TUSC3: variants seen among roughly 807,000 people sequenced by gnomAD.
TUSC3 encodes tumor suppressor candidate 3.
A neutral mutation model predicts 44.8 loss-of-function variants in TUSC3; 45 were observed. The observed-to-expected ratio is 1.00, with a 90% CI of 0.79 to 1.29. The LOEUF (loss-of-function observed/expected upper bound fraction) is 1.29. TUSC3 is among the 50% of genes most tolerant of loss of function. TUSC3 has a pLI of 0.00. For missense variants in TUSC3, 519 were observed against 437.9 expected (o/e 1.19, Z -1.65); for synonymous variants, 212 against 152.9 (o/e 1.39, Z -2.85).
intron 6 of TUSC3, among the ~76,000 whole-genome samples, chr8:15,674,697 G>T (rs778493704): frequency 3.3e-5 from 5 of 151,834 alleles, no homozygotes; most frequent in Admixed American, 2.0e-4. Context: ...GATTTCTGTA[G>T]TGGAAGACAA....
chr8:15,540,369 G>C lies in TUSC3; in HGVS notation c.-62G>C. ...CCCGGAGGCTGGCCGGGCAGGCGTG[G>C]TGCGCGGTAGGAGCTGGGCGCGCAC... On this transcript the variant is annotated 5_prime_UTR_variant, in exon 1 of 11. Transcript: ENST00000503731. The C allele has an allele frequency of 6.9e-7, 1 of 1,457,360 alleles. No individual in the cohort carries two copies. Among genetic ancestry groups the C allele is most frequent in the East Asian group, 2.9e-5 (1 of 34,496 alleles). The allele number at this position is 1,457,360 out of a possible 1,614,324, so 90.3% of individuals were successfully genotyped here.
At chr8:15,475,234 T>A (rs1041412265) in intron 1 of TUSC3, among the ~76,000 whole-genome samples, 5 of 152,086 alleles carry the variant, frequency 3.3e-5, no homozygotes, top group African/African-American at 1.2e-4. Flanking sequence ...TTTTTGATGA[T>A]CCTAGAGACA....
chr8:15,662,375 C>T, intron 5 of TUSC3, 79 bp downstream of exon 5: 2 of 1,566,936 alleles, frequency 1.3e-6, no homozygotes, highest in Non-Finnish European at 1.8e-6. Context: ...ACAAAATGAG[C>T]CAGATATAAC....
intron 2 of TUSC3, among the ~76,000 whole-genome samples, chr8:15,504,263 C>T (rs1357603380): frequency 6.6e-6 from 1 of 151,970 alleles, no homozygotes; most frequent in Non-Finnish European, 1.5e-5. Flanking sequence ...ATAAAGATCG[C>T]TGGAGATCCT....
chr8:15,783,091 A>C, the TUSC3 span, among the ~76,000 whole-genome samples: 1 of 152,206 alleles, frequency 6.6e-6, no homozygotes, highest in African/African-American at 2.4e-5. Context: ...GATTAAGAGA[A>C]CAATTCCACT....
chr8:15,773,558 C>A, the TUSC3 span, among the ~76,000 whole-genome samples: 4 of 152,088 alleles, frequency 2.6e-5, no homozygotes, highest in Non-Finnish European at 5.9e-5. Flanking sequence ...CTATTATAAT[C>A]CAGTGGCCTT....
At chr8:15,780,498 T>A in the TUSC3 span, among the ~76,000 whole-genome samples, 1 of 152,166 alleles carries the variant, frequency 6.6e-6, no homozygotes, top group South Asian at 2.1e-4. Context: ...TTGCAGGGGC[T>A]TCATTCCTGG....
intron 10 of TUSC3, among the ~76,000 whole-genome samples, chr8:15,761,025 T>A (rs547667125): frequency 6.6e-6 from 1 of 152,322 alleles, no homozygotes; most frequent in African/African-American, 2.4e-5. Flanking sequence ...GCCATGACTT[T>A]CAGTCATTTC....
chr8:15,784,880 A>AT, the TUSC3 span, among the ~76,000 whole-genome samples: 1 of 152,078 alleles, frequency 6.6e-6, no homozygotes. Context: ...TATTTTTAAA[A>AT]TTTGCTAAAA....
rs371089768 is a variant in TUSC3 at position 15,483,377 on chromosome 8, A to G, written n.92-9A>G. ...TTTTTTGAGACGGAGTTTCACTGTCATTGCCCAGGCTGGAGTACAATGGCA... is the reference window on the plus strand; with the variant it reads ...TTTTTTGAGACGGAGTTTCACTGTCGTTGCCCAGGCTGGAGTACAATGGCA... On this transcript the variant is annotated splice_polypyrimidine_tract_variant and intron_variant and non_coding_transcript_variant, in intron 1 of 5. Transcript: ENST00000503191. The G allele has an allele frequency of 4.3e-4, 91 of 212,444 alleles. 1 individual carries two copies. In the South Asian group the frequency reaches 6.9e-3, roughly 16 times the overall value. The allele number at this position is 212,444 out of a possible 1,614,324, so 13.2% of individuals were successfully genotyped here.
upstream of TUSC3, among the ~76,000 whole-genome samples, chr8:15,537,832 G>T (rs762062799): frequency 6.6e-6 from 1 of 152,138 alleles, no homozygotes; most frequent in African/African-American, 2.4e-5. Context: ...TGATTATGTT[G>T]AGTATATCTA....
chr8:15,555,832 T>A (rs1802240166), intron 1 of TUSC3, among the ~76,000 whole-genome samples: 2 of 151,466 alleles, frequency 1.3e-5, no homozygotes, highest in Non-Finnish European at 2.9e-5. Context: ...GTAAATTTCT[T>A]ACGGACTCTT....
intron 1 of TUSC3, among the ~76,000 whole-genome samples, chr8:15,607,229 AT>A: frequency 6.6e-6 from 1 of 152,146 alleles, no homozygotes; most frequent in South Asian, 2.1e-4. Context: ...CATTTTTTTC[AT>A]TACTTAATTA....
the TUSC3 span, among the ~76,000 whole-genome samples, chr8:15,827,154 C>A: frequency 6.6e-6 from 1 of 152,068 alleles, no homozygotes; most frequent in South Asian, 2.1e-4. Context: ...TAAGTACATC[C>A]CTCTCCATGA....
At chr8:15,587,151 C>G (rs554043505) in intron 1 of TUSC3, among the ~76,000 whole-genome samples, 92 of 152,224 alleles carry the variant, frequency 6.0e-4, no homozygotes, top group African/African-American at 2.1e-3. Flanking sequence ...ACTTGCTGTG[C>G]TATTGGATTA....
chr8:15,686,941 G>A (rs1438121046), intron 6 of TUSC3, among the ~76,000 whole-genome samples: 4 of 151,986 alleles, frequency 2.6e-5, no homozygotes, highest in Admixed American at 1.3e-4. Flanking sequence ...GGTGGCAGGC[G>A]CCTGTAGTCC....
chr8:15,553,280 C>T (rs921347274), intron 1 of TUSC3, among the ~76,000 whole-genome samples: 6 of 151,650 alleles, frequency 4.0e-5, no homozygotes, highest in Non-Finnish European at 5.9e-5. Context: ...ATAAAAATCA[C>T]CCAGCCAGAG....
the TUSC3 span, among the ~76,000 whole-genome samples, chr8:15,774,596 A>G: frequency 2.6e-5 from 4 of 152,090 alleles, no homozygotes; most frequent in Non-Finnish European, 5.9e-5. Flanking sequence ...AAGATCGTAA[A>G]TTTCTGTTCT....
chr8:15,445,964 C>G (rs1178070645), intron 1 of TUSC3, among the ~76,000 whole-genome samples: 1 of 149,348 alleles, frequency 6.7e-6, no homozygotes, highest in South Asian at 2.1e-4. Context: ...CCCCCCACCT[C>G]GCGGATGGGG....
Sources: gnomAD v4.1 joint callset for allele counts (sites outside exome capture counted in the v4.1 genomes callset) on GRCh38, gnomAD v4.1.1 for gene constraint, MANE v1.5 for transcripts, NCBI Gene and HGNC (gene_info 2026-07-23, HGNC 2026-07-21) for gene names.